The following PTPRZ1 variants were observed in gnomAD, a reference collection of about 807,000 sequenced individuals.
PTPRZ1 encodes receptor-type tyrosine-protein phosphatase zeta.
In PTPRZ1, 82 loss-of-function variants were observed where a neutral mutation model predicts 214.1. The ratio of observed to expected loss-of-function variants is 0.38; its 90% confidence interval spans 0.32 to 0.46. The LOEUF is 0.46. Ranked by LOEUF, PTPRZ1 falls within the 20% of genes least tolerant of loss-of-function variation. The probability of loss-of-function intolerance (pLI) is 1.00; values close to 1 mark genes in which losing one functional copy is unlikely to be tolerated. For synonymous variants in PTPRZ1, 945 were observed against 987.9 expected, an observed-to-expected ratio of 0.96 and a Z score of 0.81; for missense variants, 2,603 against 2,748.7, an observed-to-expected ratio of 0.95 and a Z score of 1.19.
At chr7:121,950,908 T>C (rs1360635177) in intron 2 of PTPRZ1, among the ~76,000 whole-genome samples, 2 of 152,204 alleles carry the variant, frequency 1.3e-5, no homozygotes, top group African/African-American at 4.8e-5. Context: ...AACGTATTTG[T>C]GGCCATAATT....
At chr7:122,031,712 G>A (rs904934932) in intron 15 of PTPRZ1, 153 bp downstream of exon 15, 23 of 498,192 alleles carry the variant, frequency 4.6e-5, no homozygotes, top group African/African-American at 4.5e-4. Flanking sequence ...TTTAGGAGAT[G>A]TGTTATAGTT....
rs549898991 is a variant in PTPRZ1 at position 121,966,902 on chromosome 7, C to T, written c.125-1049C>T. Reference sequence around the variant, plus strand: ...TCAATCATGTAAAATCTTGGCCTTACCCGTTCTCATTTTCAGAAAGAAAAG... The same window carrying T: ...TCAATCATGTAAAATCTTGGCCTTATCCGTTCTCATTTTCAGAAAGAAAAG... On this transcript the variant is annotated intron_variant, in intron 2 of 29. Coordinates refer to ENST00000393386, the MANE Select transcript of PTPRZ1 (RefSeq NM_002851.3). 4 of 152,220 alleles carry T rather than the reference C, an allele frequency of 2.6e-5. No homozygotes were observed. In the South Asian group the frequency reaches 8.3e-4, roughly 32 times the overall value. The allele number at this position is 152,220 out of a possible 1,614,324, so 9.4% of individuals were successfully genotyped here.
intron 15 of PTPRZ1, 94 bp from the exon 16 acceptor site, chr7:122,034,001 C>A: frequency 8.9e-7 from 1 of 1,125,496 alleles, no homozygotes; most frequent in South Asian, 1.4e-5. Context: ...CATAGTTTTC[C>A]ATTGTAAACC....
intron 1 of PTPRZ1, among the ~76,000 whole-genome samples, chr7:121,888,379 A>G (rs559011044): frequency 2.6e-5 from 4 of 152,218 alleles, no homozygotes; most frequent in African/African-American, 9.6e-5. Context: ...AAGATGGGGC[A>G]AACGTTTAGG....
chr7:121,987,280 C>T (rs1195654684), intron 8 of PTPRZ1, among the ~76,000 whole-genome samples: 1 of 152,106 alleles, frequency 6.6e-6, no homozygotes. Context: ...TCATCCCACC[C>T]AAGTCTTCAC....
chr7:122,030,117 A>C (rs1374259730), intron 14 of PTPRZ1, among the ~76,000 whole-genome samples: 6 of 152,136 alleles, frequency 3.9e-5, no homozygotes, highest in Admixed American at 2.0e-4. Flanking sequence ...AATCAGACCT[A>C]GTCCAGGAGA....
intron 6 of PTPRZ1, among the ~76,000 whole-genome samples, chr7:121,981,817 T>C (rs1240412842): frequency 6.6e-6 from 1 of 152,150 alleles, no homozygotes; most frequent in East Asian, 1.9e-4. Flanking sequence ...CACATCTGTG[T>C]ATATTGTATC....
intron 6 of PTPRZ1, among the ~76,000 whole-genome samples, chr7:121,977,654 AT>A (rs1189408513): frequency 3.3e-5 from 5 of 152,064 alleles, no homozygotes; most frequent in African/African-American, 1.2e-4. Context: ...GAGGATCTGA[AT>A]TGACCCAACT....
At chr7:121,960,503 T>TTAAAAGAAA (rs1362914008) in intron 2 of PTPRZ1, among the ~76,000 whole-genome samples, 28 of 152,202 alleles carry the variant, frequency 1.8e-4, no homozygotes, top group Non-Finnish European at 3.4e-4. Context: ...ATAGGAATCT[T>TTAAAAGAAA]TAAAAGAAAT....
chr7:122,025,925 A>G (rs1437230060), intron 13 of PTPRZ1, among the ~76,000 whole-genome samples: 2 of 152,236 alleles, frequency 1.3e-5, no homozygotes, highest in African/African-American at 2.4e-5. Flanking sequence ...CTTCAATAAG[A>G]AAAGTCTAAC....
intron 2 of PTPRZ1, among the ~76,000 whole-genome samples, chr7:121,953,423 A>G (rs1480182681): frequency 6.6e-6 from 1 of 152,214 alleles, no homozygotes; most frequent in African/African-American, 2.4e-5. Context: ...GTCTTTATGA[A>G]AAACAATGCA....
Position 122,010,461 on chromosome 7 carries a change from C to G in PTPRZ1, c.1415C>G (p.Thr472Arg), listed in dbSNP as rs375971673. ...ACAACACACTACAATCGCATAGGGACGAAATACAATGAAGCCAAGACTAAC... is the reference window on the plus strand; with the variant it reads ...ACAACACACTACAATCGCATAGGGAGGAAATACAATGAAGCCAAGACTAAC... ...STTTHYNRIG[T>R]KYNEAKTNRS... The change falls in exon 12 of 30, where the codon ACG (threonine) becomes AGG (arginine). Residue 472 changes from threonine (T) to arginine (R), a missense_variant. By Grantham distance (71) the Thr-to-Arg change is moderately conservative. Transcript: ENST00000393386. 1 of 1,613,922 alleles carries G rather than the reference C, an allele frequency of 6.2e-7. No homozygotes were observed. Among genetic ancestry groups the G allele is most frequent in the Non-Finnish European group, 8.5e-7 (1 of 1,179,952 alleles).
chr7:121,932,255 C>T (rs562672634), intron 2 of PTPRZ1, among the ~76,000 whole-genome samples: 35 of 152,240 alleles, frequency 2.3e-4, no homozygotes, highest in African/African-American at 4.3e-4. Flanking sequence ...AAACCTTTAA[C>T]GTGGATTATT....
intron 2 of PTPRZ1, among the ~76,000 whole-genome samples, chr7:121,949,614 T>C (rs773313854): frequency 2.2e-4 from 33 of 152,032 alleles, no homozygotes; most frequent in Non-Finnish European, 3.8e-4. Context: ...TTTGACTGTA[T>C]CATGAAAAAG....
At chr7:121,906,589 G>A (rs917172644) in intron 1 of PTPRZ1, among the ~76,000 whole-genome samples, 1 of 152,142 alleles carries the variant, frequency 6.6e-6, no homozygotes, top group Non-Finnish European at 1.5e-5. Flanking sequence ...GGCATTGTTT[G>A]GTAGGTGTCT....
chr7:121,906,372 GGTA>G (rs1326837883), intron 1 of PTPRZ1, among the ~76,000 whole-genome samples: 5 of 152,038 alleles, frequency 3.3e-5, no homozygotes, highest in African/African-American at 7.2e-5. Context: ...TTTTATGTTT[GGTA>G]GTAGTAGTTA....
chr7:122,058,790 C>G lies in PTPRZ1; in HGVS notation c.6529-10C>G, dbSNP rs1044946313. The G allele has an allele frequency of 6.3e-7, 1 of 1,594,072 alleles. No individual in the cohort carries two copies. Among genetic ancestry groups the G allele is most frequent in the Admixed American group, 1.7e-5 (1 of 58,392 alleles). On this transcript the variant is annotated splice_polypyrimidine_tract_variant and intron_variant, in intron 27 of 29. Coordinates refer to ENST00000393386, the MANE Select transcript of PTPRZ1 (RefSeq NM_002851.3). ...ACTAACTAACATTACTTTGTGTTTT[C>G]TTGTTATAGGATGATTATGTACTTG...
intron 6 of PTPRZ1, among the ~76,000 whole-genome samples, chr7:121,980,503 G>C (rs1456948847): frequency 6.6e-6 from 1 of 152,110 alleles, no homozygotes; most frequent in South Asian, 2.1e-4. Context: ...AGTTACTAAT[G>C]AATCCGTTAA....
intron 21 of PTPRZ1, 84 bp from the exon 22 acceptor site, chr7:122,042,524 C>A: frequency 7.5e-7 from 1 of 1,326,168 alleles, no homozygotes; most frequent in Non-Finnish European, 1.0e-6. Context: ...TTATTTTAAT[C>A]AACATGACAA....
Sources: gnomAD v4.1 joint callset for allele counts (sites outside exome capture counted in the v4.1 genomes callset) on GRCh38, gnomAD v4.1.1 for gene constraint, MANE v1.5 for transcripts, NCBI Gene and HGNC (gene_info 2026-07-23, HGNC 2026-07-21) for gene names.